Variants in UBA6 observed in about 807,000 individuals in gnomAD.
The protein encoded by UBA6 is ubiquitin-like modifier-activating enzyme 6.
Under a neutral mutation model 148.3 loss-of-function variants are expected in UBA6, and 87 were observed. That is an observed-to-expected ratio of 0.59 (90% CI 0.49 to 0.70). UBA6 has a LOEUF of 0.70. Among genes scored for constraint, UBA6 ranks in the 30% least tolerant of loss-of-function variants. The pLI is 0.00. For missense variants in UBA6, 1,186 were observed against 1,241.2 expected, an observed-to-expected ratio of 0.96 and a Z score of 0.67; for synonymous variants, 376 against 401.0, an observed-to-expected ratio of 0.94 and a Z score of 0.75.
At position 67,626,494 on chromosome 4, in the gene UBA6, A is replaced by G. The variant is rs766655283; in HGVS notation, c.2401-17T>C. The G allele has an allele frequency of 1.2e-5, 18 of 1,458,098 alleles. No homozygotes were observed. In the Admixed American group the frequency reaches 2.6e-4, roughly 21 times the overall value. The allele number at this position is 1,458,098 out of a possible 1,614,324, so 90.3% of individuals were successfully genotyped here. A position where few individuals can be genotyped will look rare whatever the true frequency, so the allele number is the denominator to read the frequency against. On this transcript the variant is annotated splice_polypyrimidine_tract_variant and intron_variant, in intron 27 of 32. Coordinates refer to ENST00000322244, the MANE Select transcript of UBA6 (RefSeq NM_018227.6). ...TTGAACAACCTTTGAATATATGAAT[A>G]TATTTTTATTAATGTTATCATTTCC...
chr4:67,646,069 T>G lies in UBA6; in HGVS notation c.1317-53A>C, dbSNP rs1203118001. The G allele has an allele frequency of 3.7e-6, 4 of 1,087,736 alleles. No homozygotes were observed. The South Asian group carries it at 6.3e-5, about 17-fold the overall frequency. The allele number at this position is 1,087,736 out of a possible 1,614,324, so 67.4% of individuals were successfully genotyped here. A position where few individuals can be genotyped will look rare whatever the true frequency, so the allele number is the denominator to read the frequency against. On this transcript the variant is annotated intron_variant, in intron 15 of 32. Transcript: ENST00000322244. The stretch of plus-strand genomic sequence containing the variant: ...CAGAAATAAAAAACATTAAAATTAG[T>G]TTCACTGTCATTAATACCAATTTAA...
intron 7 of UBA6, among the ~76,000 whole-genome samples, chr4:67,670,968 A>G (rs1045087389): frequency 1.3e-5 from 2 of 152,208 alleles, no homozygotes; most frequent in African/African-American, 4.8e-5. Flanking sequence ...ATTTTAGGAA[A>G]GAGGAATGAA....
At chr4:67,659,946 G>C (rs1729808870) in intron 13 of UBA6, among the ~76,000 whole-genome samples, 2 of 152,204 alleles carry the variant, frequency 1.3e-5, no homozygotes, top group Admixed American at 1.3e-4. Context: ...TTAGTAAAGA[G>C]ACTGGTGGCA....
chr4:67,653,168 A>G (rs1729595300), intron 13 of UBA6, among the ~76,000 whole-genome samples: 1 of 152,206 alleles, frequency 6.6e-6, no homozygotes. Flanking sequence ...CACTGAAGAG[A>G]GCAGTGGTTC....
intron 4 of UBA6, among the ~76,000 whole-genome samples, chr4:67,680,040 TG>T (rs1730393860): frequency 6.6e-6 from 1 of 152,174 alleles, no homozygotes; most frequent in Non-Finnish European, 1.5e-5. Context: ...ATAAATTCAC[TG>T]GTCAATACTA....
intron 8 of UBA6, 48 bp downstream of exon 8, chr4:67,670,422 A>G: frequency 6.6e-7 from 1 of 1,509,140 alleles, no homozygotes; most frequent in Admixed American, 1.8e-5. Context: ...CAGCATTCAC[A>G]TCAACTTTAA....
At chr4:67,636,127 A>G (rs1450597434) in intron 19 of UBA6, among the ~76,000 whole-genome samples, 1 of 152,206 alleles carries the variant, frequency 6.6e-6, no homozygotes, top group East Asian at 1.9e-4. Context: ...TCATTCATCT[A>G]CTTATTTAAG....
At chr4:67,686,557 G>A (rs1196646821) in intron 2 of UBA6, among the ~76,000 whole-genome samples, 1 of 152,134 alleles carries the variant, frequency 6.6e-6, no homozygotes, top group Non-Finnish European at 1.5e-5. Flanking sequence ...GAATCCCTGT[G>A]ACATGGTACT....
intron 8 of UBA6, among the ~76,000 whole-genome samples, chr4:67,669,292 C>G (rs986523288): frequency 6.6e-6 from 1 of 152,116 alleles, no homozygotes; most frequent in Admixed American, 6.5e-5. Context: ...CTTAATATGC[C>G]TGAAAGAATA....
At chr4:67,665,764 T>C (rs1049400300) in intron 9 of UBA6, among the ~76,000 whole-genome samples, 6 of 151,916 alleles carry the variant, frequency 3.9e-5, no homozygotes, top group South Asian at 2.1e-4. Flanking sequence ...ATAAATCTTA[T>C]AGAGAAAAAA....
intron 19 of UBA6, chr4:67,638,451 G>T: frequency 6.3e-6 from 1 of 158,856 alleles, no homozygotes; most frequent in South Asian, 1.7e-4. Context: ...GTACTCACAG[G>T]ACCCAGGACT....
rs959408400 is a variant in UBA6, at chr4:67,696,227, C to T, written c.134+418G>A. On this transcript the variant is annotated intron_variant, in intron 2 of 32. Coordinates refer to ENST00000322244, the MANE Select transcript of UBA6 (RefSeq NM_018227.6). ...TCCTGCACTATCAAGAACTTAAATACGTATTATTGTCCAAAAATGAAAGGG... is the reference window on the plus strand; with the variant it reads ...TCCTGCACTATCAAGAACTTAAATATGTATTATTGTCCAAAAATGAAAGGG... 2.6e-5 allele frequency among the ~76,000 whole-genome samples: 4 copies of T among 152,136 alleles called. No individual in the cohort carries two copies. In the South Asian group the frequency reaches 6.2e-4, roughly 24 times the overall value.
chr4:67,635,241 CAGA>C (rs1445684306), intron 20 of UBA6, among the ~76,000 whole-genome samples: 1 of 151,756 alleles, frequency 6.6e-6, no homozygotes, highest in Non-Finnish European at 1.5e-5. Flanking sequence ...AAATAGTAAA[CAGA>C]AGAATAATGC....
chr4:67,634,161 T>C (rs901257111), intron 22 of UBA6, 81 bp downstream of exon 22: 3 of 927,538 alleles, frequency 3.2e-6, no homozygotes, highest in Admixed American at 2.9e-5. Flanking sequence ...GGAGGTAAAA[T>C]AAATCACTTG....
At chr4:67,637,166 G>A (rs1226701073) in intron 19 of UBA6, among the ~76,000 whole-genome samples, 4 of 151,086 alleles carry the variant, frequency 2.6e-5, no homozygotes, top group Admixed American at 6.6e-5. Context: ...CAGCCGCCCC[G>A]TCCGGGAGGT....
Position 67,673,728 on chromosome 4 carries a change from T to C in UBA6, c.515A>G (p.Asp172Gly). 2 of 1,611,990 alleles carry C rather than the reference T, an allele frequency of 1.2e-6. No individual in the cohort carries two copies. The highest frequency in any genetic ancestry group is 1.7e-6 in the Non-Finnish European group (2 of 1,178,574). The change falls in exon 7 of 33, where the codon GAC (aspartate) becomes GGC (glycine). Residue 172 changes from aspartate (D) to glycine (G), a missense_variant. By Grantham distance (94) the Asp-to-Gly change is moderately conservative. Coordinates refer to ENST00000322244, the MANE Select transcript of UBA6 (RefSeq NM_018227.6). ...MKLPLQKKIN[D>G]FCRSQCPPIK... The stretch of plus-strand genomic sequence containing the variant: ...TGGAGGGCACTGAGAACGGCAAAAG[T>C]CATTGATCTTCTTCTGCAATGGAAG...
intron 13 of UBA6, 108 bp from the exon 14 acceptor site, chr4:67,649,319 T>C: frequency 1.8e-6 from 2 of 1,101,124 alleles, no homozygotes; most frequent in Non-Finnish European, 2.5e-6. Flanking sequence ...AAAAAAGCTA[T>C]TCAGTTCCCC....
At chr4:67,644,906 G>A in intron 16 of UBA6, 128 bp from the exon 17 acceptor site, 1 of 526,354 alleles carries the variant, frequency 1.9e-6, no homozygotes, top group Non-Finnish European at 3.5e-6. Flanking sequence ...ACCAAATAAG[G>A]AAAAGCATAA....
chr4:67,615,498 T>C lies in UBA6; in HGVS notation c.*3499A>G, dbSNP rs530426370. On this transcript the variant is annotated 3_prime_UTR_variant, in exon 33 of 33. Transcript: ENST00000322244. The stretch of plus-strand genomic sequence containing the variant: ...ATGCTTAGAAAAAAATTTGTAATCA[T>C]CTAATAAAATTTAAGATATGAATAC... The C allele has an allele frequency of 6.6e-6, 1 of 152,268 alleles. No homozygotes were observed. The highest frequency in any genetic ancestry group is 1.9e-4 in the East Asian group (1 of 5,186). The allele number at this position is 152,268 out of a possible 1,614,324, so 9.4% of individuals were successfully genotyped here.
Sources: allele counts gnomAD v4.1 joint callset (sites outside exome capture counted in the v4.1 genomes callset), GRCh38; gene constraint gnomAD v4.1.1; transcripts MANE v1.5; gene names NCBI Gene and HGNC (gene_info 2026-07-23, HGNC 2026-07-21).